The following AKAP19 variants were observed in gnomAD, a reference collection of about 807,000 sequenced individuals.
AKAP19 encodes the protein A-kinase anchoring protein 19.
chr2:190,079,890 TGA>T, the AKAP19 span: 334 of 109,486 alleles, frequency 3.1e-3, 5 homozygotes, highest in East Asian at 0.05. Context: ...TGTGTGTGTG[TGA>T]GAGAGAGAGA....
the AKAP19 span, among the ~76,000 whole-genome samples, chr2:190,071,818 GA>G: frequency 6.6e-6 from 1 of 151,680 alleles, no homozygotes; most frequent in African/African-American, 2.4e-5. Context: ...AAACTAGAAA[GA>G]AAAAAGTCAG....
At chr2:189,904,198 C>CATAA in the AKAP19 span, among the ~76,000 whole-genome samples, 1 of 151,980 alleles carries the variant, frequency 6.6e-6, no homozygotes, top group African/African-American at 2.4e-5. Flanking sequence ...AATTACATTG[C>CATAA]CTTATATTTA....
At chr2:189,964,490 G>A in the AKAP19 span, among the ~76,000 whole-genome samples, 6 of 152,238 alleles carry the variant, frequency 3.9e-5, no homozygotes, top group East Asian at 9.6e-4. Flanking sequence ...CACTGACTTC[G>A]CTTCTATAGC....
At chr2:189,925,751 G>A in the AKAP19 span, among the ~76,000 whole-genome samples, 59 of 152,146 alleles carry the variant, frequency 3.9e-4, no homozygotes, top group East Asian at 0.011. Context: ...ACAGAATTTT[G>A]AGAAATGTCA....
At chr2:189,934,353 T>C in the AKAP19 span, among the ~76,000 whole-genome samples, 1 of 152,038 alleles carries the variant, frequency 6.6e-6, no homozygotes, top group Non-Finnish European at 1.5e-5. Flanking sequence ...ACTGACAAAA[T>C]TTGTAATGAA....
the AKAP19 span, among the ~76,000 whole-genome samples, chr2:190,074,361 T>C: frequency 4.6e-5 from 7 of 151,894 alleles, no homozygotes; most frequent in African/African-American, 1.5e-4. Context: ...AATTTAAAAA[T>C]AGAGAAAAGG....
At chr2:190,084,359 C>T in the AKAP19 span, among the ~76,000 whole-genome samples, 1 of 152,276 alleles carries the variant, frequency 6.6e-6, no homozygotes, top group Non-Finnish European at 1.5e-5. Flanking sequence ...TCCCAAAGTG[C>T]TGGGATTACA....
chr2:190,074,796 G>A, the AKAP19 span, among the ~76,000 whole-genome samples: 478 of 152,330 alleles, frequency 3.1e-3, 9 homozygotes, highest in African/African-American at 0.011. Flanking sequence ...AACTAGCCAT[G>A]TGGATCCCTG....
the AKAP19 span, among the ~76,000 whole-genome samples, chr2:190,178,231 C>G: frequency 6.6e-6 from 1 of 152,160 alleles, no homozygotes; most frequent in Non-Finnish European, 1.5e-5. The surrounding 1 kb of genome is among the most constrained non-coding windows in gnomAD (Gnocchi z 6.3). Context: ...TTCCCGAATC[C>G]CAGGGGCAGA....
At chr2:189,994,941 G>C in the AKAP19 span, among the ~76,000 whole-genome samples, 12 of 152,058 alleles carry the variant, frequency 7.9e-5, no homozygotes, top group African/African-American at 1.2e-4. Context: ...TAGTTTTGAG[G>C]GTTCCTTTTG....
chr2:190,037,051 T>A, the AKAP19 span, among the ~76,000 whole-genome samples: 1 of 152,194 alleles, frequency 6.6e-6, no homozygotes, highest in Non-Finnish European at 1.5e-5. Flanking sequence ...GAAGGCCAAA[T>A]AGCTACGTGA....
At chr2:190,059,861 A>G in the AKAP19 span, among the ~76,000 whole-genome samples, 1 of 151,976 alleles carries the variant, frequency 6.6e-6, no homozygotes, top group Admixed American at 6.6e-5. Flanking sequence ...ATCTTGATGC[A>G]AAGTAAGAGT....
At chr2:190,087,889 C>T in the AKAP19 span, among the ~76,000 whole-genome samples, 1 of 152,296 alleles carries the variant, frequency 6.6e-6, no homozygotes, top group East Asian at 1.9e-4. Flanking sequence ...TTCTCCAGGG[C>T]TCCTACCATA....
the AKAP19 span, among the ~76,000 whole-genome samples, chr2:190,118,173 G>T: frequency 6.6e-6 from 1 of 152,106 alleles, no homozygotes; most frequent in Non-Finnish European, 1.5e-5. Context: ...CCAGGAAAAA[G>T]TTGAATCTCT....
chr2:190,062,303 C>G, the AKAP19 span: 7 of 1,613,292 alleles, frequency 4.3e-6, no homozygotes, highest in Admixed American at 5.0e-5. Flanking sequence ...TGCTGTCATC[C>G]CTCTGGACAT....
At chr2:190,006,348 T>C in the AKAP19 span, among the ~76,000 whole-genome samples, 1 of 152,226 alleles carries the variant, frequency 6.6e-6, no homozygotes, top group Non-Finnish European at 1.5e-5. Flanking sequence ...TGAGCAGCTA[T>C]CCATAAAAGC....
chr2:190,064,074 C>T, the AKAP19 span, among the ~76,000 whole-genome samples: 1 of 151,982 alleles, frequency 6.6e-6, no homozygotes, highest in Non-Finnish European at 1.5e-5. Flanking sequence ...ACCATTTTTG[C>T]ACACTGTACA....
At chr2:190,178,917 A>T in the AKAP19 span, among the ~76,000 whole-genome samples, 1 of 152,166 alleles carries the variant, frequency 6.6e-6, no homozygotes, top group South Asian at 2.1e-4. The surrounding 1 kb of genome is among the most constrained non-coding windows in gnomAD (Gnocchi z 6.3). Flanking sequence ...GGGGTCTCCT[A>T]AGGATGATTC....
the AKAP19 span, among the ~76,000 whole-genome samples, chr2:189,938,262 G>A: frequency 6.6e-6 from 1 of 151,632 alleles, no homozygotes; most frequent in East Asian, 1.9e-4. Context: ...CTTGAACCCA[G>A]GAAGTAGAGG....
Sources: gnomAD v4.1 joint callset for allele counts (sites outside exome capture counted in the v4.1 genomes callset) on GRCh38, gnomAD v4.1.1 for gene constraint, Gnocchi (gnomAD v3.1) non-coding constraint, MANE v1.5 for transcripts, NCBI Gene and HGNC (gene_info 2026-07-23, HGNC 2026-07-21) for gene names.